The following PDXDC1 variants were observed in gnomAD, a reference collection of about 807,000 sequenced individuals.
PDXDC1 encodes the protein pyridoxal-dependent decarboxylase domain-containing protein 1.
A neutral mutation model predicts 100.1 loss-of-function variants in PDXDC1; 42 were observed. The ratio of observed to expected loss-of-function variants is 0.42; its 90% CI spans 0.33 to 0.54. The LOEUF is 0.54. Ranked by LOEUF, PDXDC1 falls within the 20% of genes least tolerant of loss-of-function variation. PDXDC1 has a pLI of 0.10. For missense variants in PDXDC1, 636 were observed against 979.2 expected, an observed-to-expected ratio of 0.65 and a Z score of 4.68; for synonymous variants, 260 against 371.7, an observed-to-expected ratio of 0.70 and a Z score of 3.46.
At chr16:15,146,607 G>A in the PDXDC1 span, among the ~76,000 whole-genome samples, 1 of 152,130 alleles carries the variant, frequency 6.6e-6, no homozygotes. Flanking sequence ...AGGCACCGAG[G>A]CTGGGTGCTG....
intron 21 of PDXDC1, 31 bp from the exon 22 acceptor site, chr16:15,035,418 A>G: frequency 1.5e-6 from 2 of 1,371,182 alleles, no homozygotes; most frequent in Middle Eastern, 2.5e-4. Context: ...CTGTGCCTGT[A>G]GCTTCTACCC....
At chr16:15,081,940 A>G (rs991446966) in intron 16 of PDXDC1, among the ~76,000 whole-genome samples, 26 of 152,176 alleles carry the variant, frequency 1.7e-4, no homozygotes, top group Admixed American at 9.2e-4. Context: ...GTCTTGAACA[A>G]CTGGTTAGTG....
At chr16:15,047,725 A>G (rs1196174724) in intron 16 of PDXDC1, 4 of 925,626 alleles carry the variant, frequency 4.3e-6, no homozygotes, top group African/African-American at 3.3e-5. Context: ...GGGAGACACC[A>G]TGCAGACCAG....
At chr16:14,985,901 T>A (rs1244501602) in intron 1 of PDXDC1, among the ~76,000 whole-genome samples, 2 of 152,056 alleles carry the variant, frequency 1.3e-5, no homozygotes, top group African/African-American at 4.8e-5. Context: ...GAGTTTGAGA[T>A]CAGCCTGGGT....
At chr16:15,009,427 G>A (rs1484822843) in intron 7 of PDXDC1, 1 of 609,242 alleles carries the variant, frequency 1.6e-6, no homozygotes. Context: ...AAATGTAAAT[G>A]TTTAAAATCA....
chr16:15,041,105 T>G, downstream of PDXDC1: 1 of 1,575,900 alleles, frequency 6.3e-7, no homozygotes, highest in Non-Finnish European at 8.7e-7. Flanking sequence ...TTTCGTTTTC[T>G]TCCCGGTCAT....
rs768735223 is a variant in PDXDC1, at chr16:15,050,574, T to A, written c.1399+20518T>A. Among the ~76,000 whole-genome samples, 9 of 151,840 alleles carry A rather than the reference T, an allele frequency of 5.9e-5. No individual in the cohort carries two copies. In the South Asian group the frequency reaches 1.9e-3, roughly 32 times the overall value. On this transcript the variant is annotated intron_variant, in intron 16 of 16. Transcript: ENST00000535621. ...AAGGAAGATCCTGTCTCTACAAAAA[T>A]TACAAAAATTAGCTGGGTGTGGTGG...
chr16:15,066,226 A>C (rs1436938697), intron 16 of PDXDC1, among the ~76,000 whole-genome samples: 1 of 152,154 alleles, frequency 6.6e-6, no homozygotes, highest in Non-Finnish European at 1.5e-5. Flanking sequence ...GGTTTGCACT[A>C]TCAGGTAAAG....
chr16:15,128,010 T>C (rs911883216), intron 16 of PDXDC1: 41 of 1,598,860 alleles, frequency 2.6e-5, no homozygotes, highest in Non-Finnish European at 3.3e-5. Context: ...AGCACCTCCT[T>C]CTCCACCAGG....
At chr16:15,117,397 A>T (rs1380029727) in intron 16 of PDXDC1, among the ~76,000 whole-genome samples, 5 of 145,914 alleles carry the variant, frequency 3.4e-5, no homozygotes, top group Non-Finnish European at 7.5e-5. Context: ...GCGGTGGCTC[A>T]CGCCTGTAAT....
At chr16:15,112,501 G>C (rs2047109436) in intron 16 of PDXDC1, among the ~76,000 whole-genome samples, 2 of 147,474 alleles carry the variant, frequency 1.4e-5, no homozygotes, top group Admixed American at 1.4e-4. Flanking sequence ...TTACAGGCAT[G>C]AGCCACCACA....
rs1135999 is a variant in PDXDC1, at chr16:15,038,105, A to G, written c.*1830A>G. On this transcript the variant is annotated 3_prime_UTR_variant, in exon 23 of 23. Transcript: ENST00000396410. ...TTGTAGAGTAGGGCTTTATTTCCAG[A>G]AAACAGTGTGTGAGCTGGAGATGGG... 501,919 of 1,605,130 alleles carry G rather than the reference A, an allele frequency of 0.31. 82,260 individuals are homozygous for G. The highest frequency in any genetic ancestry group is 0.51 in the Admixed American group (30,372 of 59,496).
At chr16:15,149,903 G>C in the PDXDC1 span, among the ~76,000 whole-genome samples, 1 of 152,172 alleles carries the variant, frequency 6.6e-6, no homozygotes, top group Non-Finnish European at 1.5e-5. Flanking sequence ...CAATTTACAA[G>C]AAACACAAAG....
chr16:15,064,278 A>C (rs2044856463), intron 16 of PDXDC1, among the ~76,000 whole-genome samples: 1 of 151,764 alleles, frequency 6.6e-6, no homozygotes. Context: ...CGGGTTCAAG[A>C]GATTCTCCTG....
intron 17 of PDXDC1, chr16:15,032,577 C>G (rs1016901702): frequency 1.0e-4 from 28 of 276,574 alleles, no homozygotes; most frequent in Non-Finnish European, 1.5e-4. Flanking sequence ...TCAACTGAGC[C>G]CAGGAGGTGG....
intron 12 of PDXDC1, among the ~76,000 whole-genome samples, chr16:15,021,176 A>G (rs1270988640): frequency 6.6e-6 from 1 of 152,248 alleles, no homozygotes; most frequent in Non-Finnish European, 1.5e-5. Context: ...TCAGAGTTCA[A>G]CACCAGCCTG....
At chr16:15,045,313 A>G (rs1388333771) in intron 16 of PDXDC1, 1 of 151,766 alleles carries the variant, frequency 6.6e-6, no homozygotes, top group African/African-American at 2.4e-5. Context: ...GAAAAAATAA[A>G]TAAGTAAGTT....
rs532385823 is a variant in PDXDC1, at chr16:15,131,426, C to A, written c.1400-7453C>A. On this transcript the variant is annotated intron_variant, in intron 16 of 16. Coordinates refer to the PDXDC1 transcript ENST00000535621. ...ACCACGTCACTGAGGTTAGCCGGGG[C>A]CCTGCTGAAAGCCTAGGGGATGGAG... 8.1e-6 allele frequency: 13 copies of A among 1,608,378 alleles called. No homozygotes were observed. The South Asian group carries it at 8.8e-5, about 11-fold the overall frequency.
chr16:14,988,810 G>T, intron 1 of PDXDC1: 2 of 1,613,972 alleles, frequency 1.2e-6, no homozygotes, highest in South Asian at 2.2e-5. Flanking sequence ...ACCATGCCCT[G>T]CAGGATGCCT....
Sources: allele counts gnomAD v4.1 joint callset (sites outside exome capture counted in the v4.1 genomes callset), GRCh38; gene constraint gnomAD v4.1.1; transcripts MANE v1.5; gene names NCBI Gene and HGNC (gene_info 2026-07-23, HGNC 2026-07-21).